The following HEATR5B variants were observed in gnomAD, a reference collection of about 807,000 sequenced individuals.
HEATR5B encodes HEAT repeat-containing protein 5B.
HEATR5B carries 156 observed loss-of-function variants against 224.1 expected under a neutral mutation model. The ratio of observed to expected loss-of-function variants is 0.70; its 90% confidence interval spans 0.61 to 0.80. HEATR5B has a LOEUF of 0.80. Ranked by LOEUF, HEATR5B falls within the 30% of genes least tolerant of loss-of-function variation. The pLI, the probability that HEATR5B is intolerant of heterozygous loss-of-function variation, is 0.00. For synonymous variants in HEATR5B, 1,027 were observed against 893.0 expected (o/e 1.15, Z -2.68); for missense variants, 2,323 against 2,535.5 (o/e 0.92, Z 1.80).
At chr2:37,057,266 G>C (rs751318468) in intron 15 of HEATR5B, 51 bp downstream of exon 15, 1 of 1,366,804 alleles carries the variant, frequency 7.3e-7, no homozygotes. Context: ...TGTGTAATAG[G>C]ACCATTGTTT....
chr2:37,084,352 C>A lies in HEATR5B; in HGVS notation c.-106G>T. The A allele has an allele frequency of 4.2e-6, 2 of 475,664 alleles. No homozygotes were observed. Among genetic ancestry groups the A allele is most frequent in the Non-Finnish European group, 6.7e-6 (2 of 297,092 alleles). 29.5% of individuals were successfully genotyped at this position (475,664 alleles called of 1,614,324 possible). A position where few individuals can be genotyped will look rare whatever the true frequency, so the allele number is the denominator to read the frequency against. On this transcript the variant is annotated 5_prime_UTR_variant, in exon 1 of 36. Coordinates refer to ENST00000233099, the MANE Select transcript of HEATR5B (RefSeq NM_019024.3). The stretch of plus-strand genomic sequence containing the variant: ...ACCCGGATGCCCCACCTCCCGCACT[C>A]CTACCTGCAGGAAACAAGGGAAGAG...
At chr2:37,037,145 G>GAGATATATATATATATATATATATAT in intron 21 of HEATR5B, among the ~76,000 whole-genome samples, 1 of 89,140 alleles carries the variant, frequency 1.1e-5, no homozygotes, top group African/African-American at 3.8e-5. Flanking sequence ...CTAAAAATGT[G>GAGATATATATATATATATATATATAT]ATATATATAT....
chr2:37,059,462 A>ATTT lies in HEATR5B; in HGVS notation c.1850-476_1850-475insAAA, dbSNP rs1287761202. On this transcript the variant is annotated intron_variant, in intron 12 of 35. Coordinates refer to ENST00000233099, the MANE Select transcript of HEATR5B (RefSeq NM_019024.3). ...TGTGTGTGTGTATATATATATATAT[A>ATTT]TATTTTTTTTTTTTTTTTTTTGAGA... is the stretch of plus-strand genomic sequence containing the variant. Among the ~76,000 whole-genome samples the ATTT allele has an allele frequency of 8.9e-4, 84 of 93,888 alleles. 5 individuals carry two copies. Among genetic ancestry groups the ATTT allele is most frequent in the East Asian group, 4.1e-3 (12 of 2,938 alleles). 61.6% of individuals were successfully genotyped at this position (93,888 alleles called of 152,430 possible).
chr2:37,017,682 C>T lies in HEATR5B; in HGVS notation c.4104+2127G>A, dbSNP rs1470684759. Among the ~76,000 whole-genome samples, 7 of 106,120 alleles carry T rather than the reference C, an allele frequency of 6.6e-5. No homozygotes were observed. In the South Asian group the frequency reaches 1.4e-3, roughly 21 times the overall value. 69.6% of individuals were successfully genotyped at this position (106,120 alleles called of 152,430 possible). On this transcript the variant is annotated intron_variant, in intron 26 of 35. Coordinates refer to ENST00000233099, the MANE Select transcript of HEATR5B (RefSeq NM_019024.3). The stretch of plus-strand genomic sequence containing the variant: ...AGCCTGGGCAACAAGAGCAAAATTC[C>T]GTCTCAAAAAAAAAAAAAAAAAAAA...
chr2:37,050,671 T>C lies in HEATR5B; in HGVS notation c.2506-828A>G, dbSNP rs192693922. Among the ~76,000 whole-genome samples, 15 of 152,340 alleles carry C rather than the reference T, an allele frequency of 9.8e-5. No individual in the cohort carries two copies. In the East Asian group the frequency reaches 2.9e-3, roughly 29 times the overall value. Reference sequence around the variant, plus strand: ...GAGTATTTCATACTCTTGATGAATATGAAACTGAATAGTTTATATAAAAAT... The same window carrying C: ...GAGTATTTCATACTCTTGATGAATACGAAACTGAATAGTTTATATAAAAAT... On this transcript the variant is annotated intron_variant, in intron 17 of 35. Coordinates refer to ENST00000233099, the MANE Select transcript of HEATR5B (RefSeq NM_019024.3).
intron 27 of HEATR5B, among the ~76,000 whole-genome samples, chr2:37,009,750 T>C (rs1328800864): frequency 6.6e-6 from 1 of 151,822 alleles, no homozygotes; most frequent in Non-Finnish European, 1.5e-5. Context: ...GCTTCCCTCA[T>C]TCTACTTTAC....
chr2:36,995,939 G>A (rs1666672650), intron 33 of HEATR5B, among the ~76,000 whole-genome samples: 1 of 152,114 alleles, frequency 6.6e-6, no homozygotes, highest in Admixed American at 6.6e-5. Context: ...AGGCTGGAGT[G>A]CAGTGGTGCG....
intron 2 of HEATR5B, among the ~76,000 whole-genome samples, chr2:37,081,608 TAG>T (rs1188155921): frequency 6.6e-6 from 1 of 152,048 alleles, no homozygotes; most frequent in Non-Finnish European, 1.5e-5. Flanking sequence ...TACCTTGAGA[TAG>T]AGGGAATGGT....
intron 18 of HEATR5B, among the ~76,000 whole-genome samples, chr2:37,042,584 A>G (rs1669939687): frequency 6.6e-6 from 1 of 152,250 alleles, no homozygotes; most frequent in Admixed American, 6.5e-5. Flanking sequence ...ACAAATGAAT[A>G]GCTCATTTTA....
chr2:37,076,687 G>C (rs929369385), intron 4 of HEATR5B, among the ~76,000 whole-genome samples: 1 of 146,622 alleles, frequency 6.8e-6, no homozygotes, highest in South Asian at 2.1e-4. Context: ...AAGTACCATA[G>C]GACTAAATAA....
intron 21 of HEATR5B, among the ~76,000 whole-genome samples, chr2:37,033,249 C>T (rs1464742771): frequency 6.6e-6 from 1 of 152,160 alleles, no homozygotes; most frequent in Non-Finnish European, 1.5e-5. Context: ...GTTTAAAATA[C>T]AGTCAAATGA....
Position 36,998,817 on chromosome 2 carries a change from T to C in HEATR5B, c.5545+1769A>G, listed in dbSNP as rs535787221. 5.9e-5 allele frequency among the ~76,000 whole-genome samples: 9 copies of C among 152,224 alleles called. No individual in the cohort carries two copies. The South Asian group carries it at 1.9e-3, about 32-fold the overall frequency. ...CAGAAATATATATTGCTCATAGTTA[T>C]CTTACTCTCTATATAACACATATAT... On this transcript the variant is annotated intron_variant, in intron 33 of 35. Transcript: ENST00000233099.
intron 33 of HEATR5B, among the ~76,000 whole-genome samples, chr2:36,997,127 T>C (rs1299148734): frequency 6.6e-6 from 1 of 152,164 alleles, no homozygotes; most frequent in Non-Finnish European, 1.5e-5. Flanking sequence ...TTTTCAGCTG[T>C]CTTTTTTTCA....
chr2:36,988,581 A>G (rs1246851774), intron 35 of HEATR5B, 65 bp downstream of exon 35: 7 of 1,375,376 alleles, frequency 5.1e-6, no homozygotes, highest in Non-Finnish European at 7.1e-6. Flanking sequence ...CTAATATCAA[A>G]TAAGATTTAT....
chr2:37,038,929 A>T (rs1274198384), intron 20 of HEATR5B, among the ~76,000 whole-genome samples: 6 of 143,722 alleles, frequency 4.2e-5, no homozygotes, highest in African/African-American at 7.9e-5. Flanking sequence ...GGAATCACAT[A>T]TTTTTCAATT....
At chr2:37,043,985 T>C (rs944651555) in intron 18 of HEATR5B, among the ~76,000 whole-genome samples, 2 of 152,184 alleles carry the variant, frequency 1.3e-5, no homozygotes, top group Non-Finnish European at 2.9e-5. Flanking sequence ...CAAGTGATCC[T>C]CCTGCCTTGA....
At chr2:36,982,863 T>TATACACAC (rs369772830) in intron 35 of HEATR5B, among the ~76,000 whole-genome samples, 3 of 126,060 alleles carry the variant, frequency 2.4e-5, no homozygotes, top group Admixed American at 1.7e-4. Context: ...CAGACACAGA[T>TATACACAC]ACACACACAC....
At position 37,040,328 on chromosome 2, in the gene HEATR5B, C is replaced by A. The variant is rs1572868295; in HGVS notation, c.3046+1G>T. ...TCCTTAATTTCAGATGATTTACTTA[C>A]CTTGTAGTTCAGGGCCAACAGTAGT... is the stretch of plus-strand genomic sequence containing the variant. On this transcript the variant is annotated splice_donor_variant, in intron 20 of 35. Coordinates refer to ENST00000233099, the MANE Select transcript of HEATR5B (RefSeq NM_019024.3). LOFTEE classifies it high-confidence loss of function. The A allele has an allele frequency of 1.2e-6, 2 of 1,609,352 alleles. No homozygotes were observed. Among genetic ancestry groups the A allele is most frequent in the Non-Finnish European group, 1.7e-6 (2 of 1,177,358 alleles).
chr2:37,022,990 G>A (rs190909578), intron 24 of HEATR5B, among the ~76,000 whole-genome samples: 3 of 152,066 alleles, frequency 2.0e-5, no homozygotes, highest in East Asian at 3.9e-4. Flanking sequence ...TCAGTGAATA[G>A]AAACAAGTCT....
Sources: gnomAD v4.1 joint callset for allele counts (sites outside exome capture counted in the v4.1 genomes callset) on GRCh38, gnomAD v4.1.1 for gene constraint, MANE v1.5 for transcripts, NCBI Gene and HGNC (gene_info 2026-07-23, HGNC 2026-07-21) for gene names.